Variants in PLEKHS1 observed in about 807,000 individuals in gnomAD.
The protein encoded by PLEKHS1 is pleckstrin homology domain-containing family S member 1.
Under a neutral mutation model 51.0 loss-of-function variants are expected in PLEKHS1, and 55 were observed. That is an observed-to-expected ratio of 1.08 (90% CI 0.87 to 1.35). The LOEUF (loss-of-function observed/expected upper bound fraction) is 1.35. Ranked by LOEUF, PLEKHS1 falls within the 40% of genes most tolerant of loss-of-function variation. The pLI is 0.00. For missense variants in PLEKHS1, 398 were observed against 423.0 expected, an observed-to-expected ratio of 0.94 and a Z score of 0.52; for synonymous variants, 153 against 144.8, an observed-to-expected ratio of 1.06 and a Z score of -0.41.
chr10:113,764,904 A>G (rs1194855015), intron 2 of PLEKHS1: 1 of 153,202 alleles, frequency 6.5e-6, no homozygotes, highest in Admixed American at 6.5e-5. Flanking sequence ...TTTTTGAGAC[A>G]TTGTAGTTTT....
At chr10:113,767,478 A>C (rs1355813217) in exon 5 of PLEKHS1, 2 of 1,602,716 alleles carry the variant, frequency 1.2e-6, no homozygotes, top group Non-Finnish European at 1.7e-6. Flanking sequence ...TGGCCACGAC[A>C]GGTGAGAGAA....
intron 2 of PLEKHS1, chr10:113,765,096 C>T (rs764265817): frequency 2.9e-6 from 1 of 344,880 alleles, no homozygotes; most frequent in African/African-American, 2.1e-5. Context: ...TTTCCTTCCT[C>T]TTTGTATGCC....
chr10:113,769,117 T>C (rs1844289874), intron 6 of PLEKHS1, among the ~76,000 whole-genome samples: 1 of 152,240 alleles, frequency 6.6e-6, no homozygotes, highest in African/African-American at 2.4e-5. Flanking sequence ...ATTATTGTGT[T>C]AGAGGGAAGA....
chr10:113,752,585 A>G (rs1853897908), intron 1 of PLEKHS1, among the ~76,000 whole-genome samples: 1 of 152,218 alleles, frequency 6.6e-6, no homozygotes, highest in Non-Finnish European at 1.5e-5. Flanking sequence ...CCTTCATGTT[A>G]CAGATGAAGA....
At chr10:113,774,883 C>A (rs780924093) in exon 10 of PLEKHS1, 13 of 1,614,006 alleles carry the variant, frequency 8.1e-6, no homozygotes, top group Middle Eastern at 1.6e-4. Flanking sequence ...AACCCCAGAC[C>A]CTTCCAGAGA....
At chr10:113,758,805 G>T (rs1271851745) in intron 2 of PLEKHS1, among the ~76,000 whole-genome samples, 1 of 151,910 alleles carries the variant, frequency 6.6e-6, no homozygotes. Flanking sequence ...ATCTTATATG[G>T]GCACCATTCA....
chr10:113,756,126 AC>A (rs1334692019), intron 2 of PLEKHS1, among the ~76,000 whole-genome samples: 1 of 152,210 alleles, frequency 6.6e-6, no homozygotes, highest in African/African-American at 2.4e-5. Flanking sequence ...TTTACAAAGC[AC>A]CTATTACTAG....
At chr10:113,767,712 T>C (rs1317331024) in intron 5 of PLEKHS1, among the ~76,000 whole-genome samples, 1 of 152,192 alleles carries the variant, frequency 6.6e-6, no homozygotes, top group African/African-American at 2.4e-5. Flanking sequence ...CAGAAATTTA[T>C]TGTCTCACTG....
In PLEKHS1 at chr10:113,754,731, G is replaced by A. The variant is rs937530859; in HGVS notation, c.-19-528G>A. 5.3e-5 allele frequency among the ~76,000 whole-genome samples: 8 copies of A among 151,998 alleles called. 1 individual carries two copies. Among genetic ancestry groups the A allele is most frequent in the Admixed American group, 1.3e-4 (2 of 15,262 alleles). ...GAACTCCTGACCTCATGATCTACCCGCCTCAGCCTCCCAAAGTGCTGGGAT... is the reference window on the plus strand; with the variant it reads ...GAACTCCTGACCTCATGATCTACCCACCTCAGCCTCCCAAAGTGCTGGGAT... On this transcript the variant is annotated intron_variant, in intron 1 of 11. Transcript: ENST00000361048.
intron 2 of PLEKHS1, among the ~76,000 whole-genome samples, chr10:113,756,940 G>A (rs865934756): frequency 6.5e-5 from 8 of 123,768 alleles, no homozygotes; most frequent in Admixed American, 1.0e-4. Flanking sequence ...TTTTTGAGAC[G>A]GAGTCTCACT....
chr10:113,783,397 T>G (rs1354987426), downstream of PLEKHS1: 1 of 152,210 alleles, frequency 6.6e-6, no homozygotes, highest in Non-Finnish European at 1.5e-5. Context: ...TCATCCCACT[T>G]TTGTACAAAT....
chr10:113,770,759 CT>C (rs1844366990), intron 7 of PLEKHS1, among the ~76,000 whole-genome samples: 1 of 152,140 alleles, frequency 6.6e-6, no homozygotes, highest in Admixed American at 6.5e-5. Flanking sequence ...CTGTAAGTGC[CT>C]CTTGCTTTTC....
At chr10:113,758,881 T>C (rs1002277640) in intron 2 of PLEKHS1, among the ~76,000 whole-genome samples, 2 of 152,128 alleles carry the variant, frequency 1.3e-5, no homozygotes, top group Admixed American at 6.5e-5. Flanking sequence ...ATGATGATGA[T>C]GAAAATGTTT....
intron 11 of PLEKHS1, among the ~76,000 whole-genome samples, chr10:113,779,265 T>C (rs1389702478): frequency 6.6e-6 from 1 of 151,846 alleles, no homozygotes; most frequent in Non-Finnish European, 1.5e-5. Context: ...TATAGTACAT[T>C]TTCTCTGCCA....
At chr10:113,756,986 A>G (rs1854150014) in intron 2 of PLEKHS1, among the ~76,000 whole-genome samples, 1 of 138,518 alleles carries the variant, frequency 7.2e-6, no homozygotes. Flanking sequence ...GTGCGATCTC[A>G]ACTCACTGCA....
At chr10:113,757,849 C>T (rs1276933600) in intron 2 of PLEKHS1, among the ~76,000 whole-genome samples, 1 of 152,152 alleles carries the variant, frequency 6.6e-6, no homozygotes, top group Non-Finnish European at 1.5e-5. Context: ...ATTGTGATTT[C>T]AAAAATAAAC....
chr10:113,773,457 C>A (rs937245566), intron 8 of PLEKHS1, among the ~76,000 whole-genome samples: 4 of 147,388 alleles, frequency 2.7e-5, no homozygotes, highest in South Asian at 2.1e-4. Context: ...AGTAAAAAAA[C>A]TATGCAATGG....
In PLEKHS1 at chr10:113,775,599, G is replaced by T. The variant is rs112092255; in HGVS notation, c.990-166G>T. 3.6e-3 allele frequency among the ~76,000 whole-genome samples: 549 copies of T among 152,264 alleles called. 2 individuals are homozygous for T. Among genetic ancestry groups the T allele is most frequent in the African/African-American group, 0.013 (529 of 41,558 alleles). ...CCTACCATCCGCTACCACATCCCAAGAGGATTTTTCAGTAACTTAAATTTA... is the reference window on the plus strand; with the variant it reads ...CCTACCATCCGCTACCACATCCCAATAGGATTTTTCAGTAACTTAAATTTA... On this transcript the variant is annotated intron_variant, in intron 10 of 11. Transcript: ENST00000361048.
At chr10:113,772,110 C>G in intron 8 of PLEKHS1, 21 bp downstream of exon 8, 1 of 1,609,518 alleles carries the variant, frequency 6.2e-7, no homozygotes, top group Non-Finnish European at 8.5e-7. Context: ...CTTGTCCATT[C>G]ATCATTTGTT....
Sources: allele counts gnomAD v4.1 joint callset (sites outside exome capture counted in the v4.1 genomes callset), GRCh38; gene constraint gnomAD v4.1.1; transcripts MANE v1.5; gene names NCBI Gene and HGNC (gene_info 2026-07-23, HGNC 2026-07-21).